MEGF11: variants seen among roughly 807,000 people sequenced by gnomAD.
The protein encoded by MEGF11 is multiple EGF like domains 11.
A neutral mutation model predicts 146.6 loss-of-function variants in MEGF11; 126 were observed. The observed-to-expected ratio is 0.86, with a 90% CI of 0.74 to 1.00. The LOEUF is 1.00. Ranked by LOEUF, MEGF11 falls within the 50% of genes least tolerant of loss-of-function variation. The pLI is 0.00. For missense variants in MEGF11, 1,509 were observed against 1,521.2 expected (o/e 0.99, Z 0.13); for synonymous variants, 532 against 583.4 (o/e 0.91, Z 1.27).
At chr15:66,174,639 C>T (rs894940939) in intron 1 of MEGF11, among the ~76,000 whole-genome samples, 21 of 151,362 alleles carry the variant, frequency 1.4e-4, no homozygotes, top group Admixed American at 1.3e-4. Context: ...CCCATAATGC[C>T]CTTCCTGAAA....
In MEGF11 at chr15:65,897,796, C is replaced by G; in HGVS notation, c.*138G>C. On this transcript the variant is annotated 3_prime_UTR_variant, in exon 26 of 26. Transcript: ENST00000395614. ...ATTATCCCAGTCCCACCTGGACGCT[C>G]TTCTTTAGTTCCAGGTGAACGTAAT... 1.2e-6 allele frequency: 1 copy of G among 831,080 alleles called. No individual in the cohort carries two copies. The allele number at this position is 831,080 out of a possible 1,614,324, so 51.5% of individuals were successfully genotyped here.
At chr15:66,165,532 C>T (rs945700974) in intron 1 of MEGF11, among the ~76,000 whole-genome samples, 1 of 152,210 alleles carries the variant, frequency 6.6e-6, no homozygotes, top group Admixed American at 6.5e-5. Flanking sequence ...CCCCCTTCCT[C>T]TCTCATTACC....
rs114555073 is a variant in MEGF11 at position 66,161,163 on chromosome 15, T to C, written c.-8-32752A>G. Among the ~76,000 whole-genome samples the C allele has an allele frequency of 3.0e-3, 454 of 152,262 alleles. 2 individuals carry two copies. Among genetic ancestry groups the C allele is most frequent in the African/African-American group, 0.011 (446 of 41,554 alleles). ...AGATCCTTGAATACGTGAAGTCAGA[T>C]GGGATCAGATGAGGATCTCAGAAAA... On this transcript the variant is annotated intron_variant, in intron 1 of 25. Transcript: ENST00000395614.
rs556504401 is a variant in MEGF11 at position 66,170,477 on chromosome 15, G to A, written c.-8-42066C>T. 2.0e-5 allele frequency among the ~76,000 whole-genome samples: 3 copies of A among 152,330 alleles called. No homozygotes were observed. In the East Asian group the frequency reaches 5.8e-4, roughly 29 times the overall value. On this transcript the variant is annotated intron_variant, in intron 1 of 25. Transcript: ENST00000395614. The stretch of plus-strand genomic sequence containing the variant: ...GGACAATCTGAGCTGAATCCACTCA[G>A]TAGCTGCGATGGGTTCAGGCCCAGC...
At chr15:66,242,711 A>G (rs2092234443) in intron 1 of MEGF11, among the ~76,000 whole-genome samples, 1 of 152,258 alleles carries the variant, frequency 6.6e-6, no homozygotes, top group Non-Finnish European at 1.5e-5. Context: ...CAAGTGGGAC[A>G]CAGAAGTTAC....
At chr15:65,942,155 C>G (rs2080016912) in intron 10 of MEGF11, among the ~76,000 whole-genome samples, 1 of 152,182 alleles carries the variant, frequency 6.6e-6, no homozygotes, top group South Asian at 2.1e-4. Context: ...ATTCCAAAGC[C>G]CAAGTTCTCT....
chr15:66,128,703 G>A (rs745592390), intron 1 of MEGF11, among the ~76,000 whole-genome samples: 2 of 152,052 alleles, frequency 1.3e-5, no homozygotes, highest in Non-Finnish European at 2.9e-5. Flanking sequence ...GTGCAAAATC[G>A]GCTATAATTG....
At chr15:66,115,708 G>A (rs2140890835) in intron 4 of MEGF11, among the ~76,000 whole-genome samples, 1 of 152,318 alleles carries the variant, frequency 6.6e-6, no homozygotes, top group South Asian at 2.1e-4. Flanking sequence ...GTCTTAAAAG[G>A]TAATCAAGTT....
chr15:65,974,348 T>A (rs1029125689), intron 7 of MEGF11, among the ~76,000 whole-genome samples: 2 of 151,538 alleles, frequency 1.3e-5, no homozygotes, highest in Non-Finnish European at 2.9e-5. Context: ...TGCGTGTGTG[T>A]GAGAAAAGGG....
intron 5 of MEGF11, among the ~76,000 whole-genome samples, chr15:66,057,412 G>A (rs896565834): frequency 3.3e-5 from 5 of 152,054 alleles, no homozygotes; most frequent in African/African-American, 7.2e-5. Context: ...AAGTTAATTC[G>A]TCACTGTTTT....
chr15:66,055,440 A>C (rs1334427073), intron 5 of MEGF11, among the ~76,000 whole-genome samples: 2 of 152,266 alleles, frequency 1.3e-5, no homozygotes, highest in African/African-American at 2.4e-5. Context: ...GTCATGTACA[A>C]GGAGATATTC....
Position 66,087,331 on chromosome 15 carries a change from G to T in MEGF11, c.394+7071C>A, listed in dbSNP as rs148835422. ...CTTCCCAGAACAAATGGACTTAACA[G>T]GTATATACAGAACATTTCATCCAAC... On this transcript the variant is annotated intron_variant, in intron 5 of 25. Coordinates refer to ENST00000395614, the MANE Select transcript of MEGF11 (RefSeq NM_001385028.1). 5.1e-3 allele frequency among the ~76,000 whole-genome samples: 772 copies of T among 152,192 alleles called. 9 individuals are homozygous for T. Among genetic ancestry groups the T allele is most frequent in the African/African-American group, 0.018 (733 of 41,506 alleles).
At chr15:66,091,206 A>G (rs188146199) in intron 5 of MEGF11, among the ~76,000 whole-genome samples, 39 of 152,344 alleles carry the variant, frequency 2.6e-4, no homozygotes, top group African/African-American at 8.9e-4. Flanking sequence ...TTGGGCCCAC[A>G]AAGACCCTAA....
intron 17 of MEGF11, 85 bp downstream of exon 17, chr15:65,916,743 C>A (rs2079011111): frequency 6.4e-7 from 1 of 1,552,134 alleles, no homozygotes. Context: ...TCCTCCCTCC[C>A]TGCTGGTCTG....
intron 1 of MEGF11, among the ~76,000 whole-genome samples, chr15:66,174,346 A>G (rs1329430749): frequency 6.6e-6 from 1 of 152,132 alleles, no homozygotes; most frequent in Non-Finnish European, 1.5e-5. Context: ...CATCCCTCCC[A>G]AGAGGGGAAT....
intron 5 of MEGF11, among the ~76,000 whole-genome samples, chr15:66,041,839 GAC>G (rs1344774021): frequency 6.6e-6 from 1 of 152,130 alleles, no homozygotes; most frequent in Non-Finnish European, 1.5e-5. Context: ...AAACAGATGA[GAC>G]ACAGAGTAGC....
chr15:66,157,318 C>T (rs562692334), intron 1 of MEGF11, among the ~76,000 whole-genome samples: 2 of 152,340 alleles, frequency 1.3e-5, no homozygotes, highest in South Asian at 4.1e-4. Flanking sequence ...TGCTATTCAT[C>T]CTTTGATAAG....
intron 1 of MEGF11, among the ~76,000 whole-genome samples, chr15:66,189,215 G>A (rs377292495): frequency 6.6e-6 from 1 of 152,144 alleles, no homozygotes; most frequent in African/African-American, 2.4e-5. Flanking sequence ...GCGGAGCACG[G>A]AGGATTAAGC....
chr15:65,920,709 C>T (rs760435600), intron 15 of MEGF11, among the ~76,000 whole-genome samples: 3 of 152,234 alleles, frequency 2.0e-5, no homozygotes, highest in Non-Finnish European at 4.4e-5. Flanking sequence ...AATGATTCTG[C>T]GTAAGCAGTG....
Sources: allele counts gnomAD v4.1 joint callset (sites outside exome capture counted in the v4.1 genomes callset), GRCh38; gene constraint gnomAD v4.1.1; transcripts MANE v1.5; gene names NCBI Gene and HGNC (gene_info 2026-07-23, HGNC 2026-07-21).